Variants in DNAAF11 observed in about 807,000 individuals in gnomAD.
DNAAF11 encodes dynein axonemal assembly factor 11.
DNAAF11 carries 45 observed loss-of-function variants against 60.8 expected under a neutral mutation model. That is an observed-to-expected ratio of 0.74 (90% CI 0.58 to 0.95). DNAAF11 has a LOEUF of 0.95. Among genes scored for constraint, DNAAF11 ranks in the 40% least tolerant of loss-of-function variants. The pLI is 0.00. For missense variants in DNAAF11, 546 were observed against 546.2 expected, an observed-to-expected ratio of 1.00 and a Z score of 0.00; for synonymous variants, 191 against 183.5, an observed-to-expected ratio of 1.04 and a Z score of -0.33.
At chr8:132,654,811 T>C (rs1052286266) in intron 3 of DNAAF11, among the ~76,000 whole-genome samples, 1 of 151,870 alleles carries the variant, frequency 6.6e-6, no homozygotes, top group African/African-American at 2.4e-5. Context: ...ATTTTATTTA[T>C]GGCTCCATAA....
the DNAAF11 span, among the ~76,000 whole-genome samples, chr8:132,697,033 C>G: frequency 6.6e-6 from 1 of 152,184 alleles, no homozygotes; most frequent in African/African-American, 2.4e-5. Flanking sequence ...ACATGTACCC[C>G]TGAGCCTAAA....
intron 1 of DNAAF11, among the ~76,000 whole-genome samples, chr8:132,662,314 C>G (rs908971000): frequency 1.3e-5 from 2 of 152,084 alleles, no homozygotes; most frequent in African/African-American, 4.8e-5. Context: ...GTCAGCAGTA[C>G]GTGAGGAAGA....
At chr8:132,684,812 T>C in the DNAAF11 span, among the ~76,000 whole-genome samples, 1 of 152,236 alleles carries the variant, frequency 6.6e-6, no homozygotes, top group Non-Finnish European at 1.5e-5. Flanking sequence ...GTCATTTTCA[T>C]TGCTAACAAC....
intron 2 of DNAAF11, among the ~76,000 whole-genome samples, chr8:132,659,451 G>A (rs1011550614): frequency 6.6e-5 from 10 of 152,292 alleles, no homozygotes; most frequent in East Asian, 1.9e-4. Flanking sequence ...GAAAAGGACC[G>A]AAATACCATG....
chr8:132,676,433 G>C (rs1367675714), upstream of DNAAF11, among the ~76,000 whole-genome samples: 1 of 152,178 alleles, frequency 6.6e-6, no homozygotes, highest in African/African-American at 2.4e-5. Context: ...TCCATTTGCA[G>C]AAAAAGGAGG....
At chr8:132,674,566 C>T (rs1349641281) in intron 1 of DNAAF11, among the ~76,000 whole-genome samples, 1 of 152,216 alleles carries the variant, frequency 6.6e-6, no homozygotes, top group Non-Finnish European at 1.5e-5. Context: ...ACCCGCATCA[C>T]CTTGCAGTTT....
chr8:132,645,787 A>T (rs1288600551), intron 3 of DNAAF11, among the ~76,000 whole-genome samples: 1 of 152,132 alleles, frequency 6.6e-6, no homozygotes, highest in East Asian at 1.9e-4. Context: ...AGTTTAGAAA[A>T]AAAAGAGTAA....
chr8:132,644,720 G>A (rs998508794), intron 3 of DNAAF11, among the ~76,000 whole-genome samples: 31 of 152,160 alleles, frequency 2.0e-4, no homozygotes, highest in African/African-American at 7.0e-4. Flanking sequence ...CACGCCCATG[G>A]AGCCTCCCTC....
At chr8:132,689,582 C>G in the DNAAF11 span, among the ~76,000 whole-genome samples, 1 of 151,968 alleles carries the variant, frequency 6.6e-6, no homozygotes, top group Non-Finnish European at 1.5e-5. Context: ...TAGGAATATA[C>G]TATATACATT....
chr8:132,604,791 T>C (rs1817974984), intron 10 of DNAAF11, among the ~76,000 whole-genome samples: 1 of 152,108 alleles, frequency 6.6e-6, no homozygotes, highest in Non-Finnish European at 1.5e-5. Flanking sequence ...AAATCATACA[T>C]ATAATATCTA....
At chr8:132,671,708 C>T (rs1011213619) in intron 1 of DNAAF11, among the ~76,000 whole-genome samples, 3 of 151,686 alleles carry the variant, frequency 2.0e-5, no homozygotes, top group Non-Finnish European at 4.4e-5. Flanking sequence ...AAAAGAAAGT[C>T]GAGAACACAC....
At chr8:132,675,331 G>T in intron 1 of DNAAF11, 153 bp downstream of exon 1, 1 of 731,114 alleles carries the variant, frequency 1.4e-6, no homozygotes. Flanking sequence ...GTGCAGCCGG[G>T]GCTGCGGTGC....
chr8:132,580,783 C>T (rs1360778038), intron 11 of DNAAF11, among the ~76,000 whole-genome samples: 1 of 152,060 alleles, frequency 6.6e-6, no homozygotes, highest in African/African-American at 2.4e-5. Context: ...CAATACAATT[C>T]CAAAGAAAAT....
chr8:132,662,181 C>T (rs991526752), intron 1 of DNAAF11, among the ~76,000 whole-genome samples: 1 of 152,154 alleles, frequency 6.6e-6, no homozygotes, highest in African/African-American at 2.4e-5. Context: ...TATAAAGCAG[C>T]CACCACTTGT....
the DNAAF11 span, among the ~76,000 whole-genome samples, chr8:132,694,003 C>T: frequency 1.6e-4 from 24 of 152,140 alleles, no homozygotes; most frequent in Non-Finnish European, 2.5e-4. Flanking sequence ...TTTATTATAA[C>T]GGGATCACTG....
intron 3 of DNAAF11, among the ~76,000 whole-genome samples, chr8:132,646,731 T>A (rs1046159397): frequency 1.3e-5 from 2 of 151,828 alleles, no homozygotes; most frequent in Admixed American, 6.6e-5. Flanking sequence ...CCAACAAAGA[T>A]CAAAAGAGAC....
the DNAAF11 span, among the ~76,000 whole-genome samples, chr8:132,688,858 T>A: frequency 6.6e-6 from 1 of 152,212 alleles, no homozygotes; most frequent in South Asian, 2.1e-4. Flanking sequence ...GACAGATCCC[T>A]TATTAATATA....
upstream of DNAAF11, among the ~76,000 whole-genome samples, chr8:132,679,970 CA>C (rs1346109774): frequency 1.6e-4 from 24 of 152,224 alleles, no homozygotes; most frequent in East Asian, 4.3e-3. Flanking sequence ...GATGATAAAG[CA>C]GGGAAATCAG....
At chr8:132,658,479 C>T (rs567291382) in intron 2 of DNAAF11, among the ~76,000 whole-genome samples, 12 of 152,182 alleles carry the variant, frequency 7.9e-5, no homozygotes, top group Middle Eastern at 6.8e-3. Flanking sequence ...CCCGCCACCA[C>T]GCCTGGCTAA....
Sources: allele counts gnomAD v4.1 joint callset (sites outside exome capture counted in the v4.1 genomes callset), GRCh38; gene constraint gnomAD v4.1.1; transcripts MANE v1.5; gene names NCBI Gene and HGNC (gene_info 2026-07-23, HGNC 2026-07-21).